The following INIP variants were observed in gnomAD, a reference collection of about 807,000 sequenced individuals.
INIP encodes the protein SOSS complex subunit C.
In INIP, 9 loss-of-function variants were observed where a neutral mutation model predicts 14.0. The ratio of observed to expected loss-of-function variants is 0.64; its 90% confidence interval spans 0.39 to 1.12. INIP has a LOEUF of 1.12. INIP is among the 50% of genes most tolerant of loss of function. The pLI is 0.01. For missense variants in INIP, 78 were observed against 122.7 expected (o/e 0.64, Z 1.72); for synonymous variants, 37 against 41.5 (o/e 0.89, Z 0.41).
At chr9:112,698,028 G>C (rs954773162) in intron 2 of INIP, among the ~76,000 whole-genome samples, 2 of 152,084 alleles carry the variant, frequency 1.3e-5, no homozygotes, top group African/African-American at 4.8e-5. Context: ...AAGTAGGCTG[G>C]GCGCGGTGGC....
At chr9:112,710,414 C>T (rs187121160) in intron 2 of INIP, among the ~76,000 whole-genome samples, 2 of 152,286 alleles carry the variant, frequency 1.3e-5, no homozygotes, top group East Asian at 3.9e-4. Flanking sequence ...AATCCAATGC[C>T]ATCACATCAT....
chr9:112,712,906 T>C (rs1741425653), intron 2 of INIP, among the ~76,000 whole-genome samples: 1 of 152,040 alleles, frequency 6.6e-6, no homozygotes, highest in African/African-American at 2.4e-5. Flanking sequence ...GAAAACCACC[T>C]CTAGGCATAC....
chr9:112,708,236 G>A (rs1467138607), intron 2 of INIP, among the ~76,000 whole-genome samples: 7 of 152,210 alleles, frequency 4.6e-5, no homozygotes, highest in African/African-American at 1.7e-4. Context: ...CAGTGTCAGA[G>A]AAGGCTTTCA....
chr9:112,713,519 CCT>C (rs1286825319), intron 2 of INIP, among the ~76,000 whole-genome samples: 5 of 151,590 alleles, frequency 3.3e-5, no homozygotes, highest in Admixed American at 3.3e-4. Flanking sequence ...AAAGCAAGAC[CCT>C]CTCTCTACAA....
intron 2 of INIP, among the ~76,000 whole-genome samples, chr9:112,696,388 A>G (rs1838097118): frequency 6.6e-6 from 1 of 152,140 alleles, no homozygotes; most frequent in South Asian, 2.1e-4. Context: ...GTCTCGAGAG[A>G]AGTCTTCTAC....
chr9:112,685,633 A>C lies in INIP; in HGVS notation c.*1905T>G, dbSNP rs1837632975. On this transcript the variant is annotated 3_prime_UTR_variant, in exon 5 of 5. Transcript: ENST00000374242. ...AGGTAGAGGCTTCAATAGTGTAGAA[A>C]ATATACTAATGTGTTATCTCCTTAG... 1 of 152,216 alleles carries C rather than the reference A, an allele frequency of 6.6e-6. No homozygotes were observed. Among genetic ancestry groups the C allele is most frequent in the South Asian group, 2.1e-4 (1 of 4,832 alleles). The allele number at this position is 152,216 out of a possible 1,614,324, so 9.4% of individuals were successfully genotyped here. A position where few individuals can be genotyped will look rare whatever the true frequency, so the allele number is the denominator to read the frequency against.
intron 2 of INIP, among the ~76,000 whole-genome samples, chr9:112,695,094 A>G (rs1174895836): frequency 2.6e-5 from 4 of 152,176 alleles, no homozygotes; most frequent in Non-Finnish European, 4.4e-5. Context: ...CACGGCAACA[A>G]TTCACCAGAA....
At chr9:112,692,370 A>C (rs986424172) in intron 3 of INIP, among the ~76,000 whole-genome samples, 3 of 152,128 alleles carry the variant, frequency 2.0e-5, no homozygotes, top group Admixed American at 6.5e-5. Context: ...TTGCAGCCCC[A>C]ACCTCCCAGG....
At chr9:112,712,082 A>C (rs912799856) in intron 2 of INIP, among the ~76,000 whole-genome samples, 2 of 152,218 alleles carry the variant, frequency 1.3e-5, no homozygotes, top group Admixed American at 1.3e-4. Context: ...TCACCTTACT[A>C]GCTTGAGGTG....
chr9:112,710,460 CTG>C (rs1219800605), intron 2 of INIP, among the ~76,000 whole-genome samples: 2 of 152,200 alleles, frequency 1.3e-5, no homozygotes, highest in African/African-American at 4.8e-5. Flanking sequence ...ATGAAAGACT[CTG>C]TGCTGCTTTT....
At chr9:112,694,041 CT>C in intron 3 of INIP, 89 bp downstream of exon 3, 1 of 807,340 alleles carries the variant, frequency 1.2e-6, no homozygotes, top group Non-Finnish European at 1.9e-6. Flanking sequence ...CACCATTGCA[CT>C]CCAGCCTGGG....
At chr9:112,694,484 G>A (rs1395749158) in intron 2 of INIP, among the ~76,000 whole-genome samples, 3 of 152,170 alleles carry the variant, frequency 2.0e-5, no homozygotes, top group African/African-American at 7.2e-5. Context: ...TATATTTAAA[G>A]TGTAGCTGAG....
intron 2 of INIP, among the ~76,000 whole-genome samples, chr9:112,707,103 CTAAT>C (rs1838498329): frequency 6.6e-6 from 1 of 151,932 alleles, no homozygotes; most frequent in Non-Finnish European, 1.5e-5. Flanking sequence ...CCATGCCTGG[CTAAT>C]TTTGTATTTT....
At chr9:112,699,499 A>G (rs949981925) in intron 2 of INIP, among the ~76,000 whole-genome samples, 2 of 152,118 alleles carry the variant, frequency 1.3e-5, no homozygotes, top group Non-Finnish European at 2.9e-5. Flanking sequence ...CACAACTTTC[A>G]TTGCAGTATA....
intron 2 of INIP, among the ~76,000 whole-genome samples, chr9:112,710,176 A>G (rs1838602278): frequency 6.6e-6 from 1 of 152,198 alleles, no homozygotes; most frequent in Non-Finnish European, 1.5e-5. Flanking sequence ...TCTGAGGTCA[A>G]ACAAGACACT....
At chr9:112,693,839 C>A (rs1304249517) in intron 3 of INIP, among the ~76,000 whole-genome samples, 2 of 152,210 alleles carry the variant, frequency 1.3e-5, no homozygotes, top group Admixed American at 1.3e-4. Context: ...CTTTGGGAGA[C>A]CAAGGCGGGT....
intron 3 of INIP, among the ~76,000 whole-genome samples, chr9:112,691,118 G>A (rs1251835491): frequency 1.3e-5 from 2 of 152,208 alleles, no homozygotes. Context: ...TAAGACCACA[G>A]GAACTCTGAA....
At chr9:112,689,001 T>G (rs904184843) in intron 4 of INIP, among the ~76,000 whole-genome samples, 1 of 152,178 alleles carries the variant, frequency 6.6e-6, no homozygotes, top group Non-Finnish European at 1.5e-5. Flanking sequence ...AAGATGAGAC[T>G]GTAACACTAA....
chr9:112,692,946 C>T (rs1269343537), intron 3 of INIP, among the ~76,000 whole-genome samples: 2 of 149,720 alleles, frequency 1.3e-5, no homozygotes, highest in East Asian at 4.0e-4. Context: ...GGGCGATCAC[C>T]TGAGCCCAGG....
Sources: gnomAD v4.1 joint callset for allele counts (sites outside exome capture counted in the v4.1 genomes callset) on GRCh38, gnomAD v4.1.1 for gene constraint, MANE v1.5 for transcripts, NCBI Gene and HGNC (gene_info 2026-07-23, HGNC 2026-07-21) for gene names.